BMP2K: variants seen among roughly 807,000 people sequenced by gnomAD.
BMP2K encodes the protein BMP-2-inducible protein kinase.
In BMP2K, 74 loss-of-function variants were observed where a neutral mutation model predicts 116.0. The observed-to-expected ratio is 0.64, with a 90% CI of 0.53 to 0.77. BMP2K has a LOEUF of 0.77. Ranked by LOEUF, BMP2K falls within the 30% of genes least tolerant of loss-of-function variation. The pLI is 0.00. For missense variants in BMP2K, 1,365 were observed against 1,403.6 expected (o/e 0.97, Z 0.44); for synonymous variants, 486 against 502.5 (o/e 0.97, Z 0.44).
chr4:78,834,516 C>T (rs1730369707), intron 3 of BMP2K, among the ~76,000 whole-genome samples: 1 of 152,184 alleles, frequency 6.6e-6, no homozygotes, highest in Non-Finnish European at 1.5e-5. Context: ...CCGCCTCAGC[C>T]TCCCAAAGTG....
At chr4:78,828,530 A>T (rs1482240857) in intron 2 of BMP2K, among the ~76,000 whole-genome samples, 3 of 152,162 alleles carry the variant, frequency 2.0e-5, no homozygotes, top group Non-Finnish European at 4.4e-5. Context: ...ACAATCAGAA[A>T]GGTGGGCAAC....
chr4:78,833,277 G>A (rs1560520465), intron 2 of BMP2K, among the ~76,000 whole-genome samples: 1 of 151,998 alleles, frequency 6.6e-6, no homozygotes, highest in African/African-American at 2.4e-5. Context: ...TGTAATAAAA[G>A]TTCTAATATT....
intron 7 of BMP2K, among the ~76,000 whole-genome samples, chr4:78,857,885 C>T (rs1461271817): frequency 1.3e-5 from 2 of 151,918 alleles, no homozygotes; most frequent in African/African-American, 4.8e-5. Flanking sequence ...ATATTGACAG[C>T]TAAAAAATGG....
chr4:78,811,127 CG>C (rs894221673), intron 1 of BMP2K, among the ~76,000 whole-genome samples: 9 of 152,150 alleles, frequency 5.9e-5, no homozygotes, highest in African/African-American at 2.2e-4. Flanking sequence ...GTGCCTTAAA[CG>C]TAACTCTTTT....
chr4:78,891,168 G>C (rs928806170), intron 15 of BMP2K, among the ~76,000 whole-genome samples: 2 of 152,198 alleles, frequency 1.3e-5, no homozygotes, highest in African/African-American at 2.4e-5. Context: ...AAGAGGCACT[G>C]CTTCATAGTA....
At chr4:78,819,242 C>G (rs1411595944) in intron 1 of BMP2K, among the ~76,000 whole-genome samples, 1 of 152,082 alleles carries the variant, frequency 6.6e-6, no homozygotes, top group Non-Finnish European at 1.5e-5. Flanking sequence ...CTCAGGCCAT[C>G]CACTCTCCTT....
chr4:78,865,792 A>T (rs1732021613), intron 10 of BMP2K, 72 bp downstream of exon 10: 7 of 1,461,208 alleles, frequency 4.8e-6, no homozygotes, highest in Non-Finnish European at 5.7e-6. Flanking sequence ...TGATTTCCTG[A>T]CCTCAGGTGA....
intron 15 of BMP2K, among the ~76,000 whole-genome samples, chr4:78,891,440 T>C (rs1733432237): frequency 6.6e-6 from 1 of 152,210 alleles, no homozygotes. Flanking sequence ...TTTCTTGCTG[T>C]ATATGCTTTG....
chr4:78,909,875 T>C (rs888380046), intron 15 of BMP2K, among the ~76,000 whole-genome samples: 1 of 152,228 alleles, frequency 6.6e-6, no homozygotes, highest in African/African-American at 2.4e-5. Flanking sequence ...TATATTTCTT[T>C]CGTTGAATGA....
At position 78,865,468 on chromosome 4, in the gene BMP2K, T is replaced by C. The variant is rs1731998720; in HGVS notation, c.1068-89T>C. On this transcript the variant is annotated intron_variant, in intron 9 of 15. Transcript: ENST00000502613. ...ATGCGATTATCAGTAATAGTTAAAA[T>C]GTATCTGTTGAGTTGGATGCTTTAT... The C allele has an allele frequency of 9.7e-6, 12 of 1,238,700 alleles. No homozygotes were observed. The South Asian group carries it at 1.4e-4, about 14-fold the overall frequency. The allele number at this position is 1,238,700 out of a possible 1,614,324, so 76.7% of individuals were successfully genotyped here.
intron 3 of BMP2K, among the ~76,000 whole-genome samples, chr4:78,840,552 G>T (rs1473949209): frequency 6.6e-6 from 1 of 152,060 alleles, no homozygotes; most frequent in Non-Finnish European, 1.5e-5. Flanking sequence ...GACGTTTAAA[G>T]GTGGGGTATC....
intron 7 of BMP2K, among the ~76,000 whole-genome samples, chr4:78,858,366 T>G (rs564758674): frequency 2.0e-5 from 3 of 152,058 alleles, no homozygotes; most frequent in Middle Eastern, 6.8e-3. Context: ...ATATTAGAAT[T>G]AAAATGTTTT....
At chr4:78,803,776 A>G (rs1728685381) in intron 1 of BMP2K, among the ~76,000 whole-genome samples, 1 of 152,160 alleles carries the variant, frequency 6.6e-6, no homozygotes, top group East Asian at 1.9e-4. Flanking sequence ...GTTGTTTTCT[A>G]ATCTCCTGTA....
At chr4:78,823,512 AGTTATATATATAGTTATATATATG>A (rs1553915265) in intron 1 of BMP2K, among the ~76,000 whole-genome samples, 4 of 147,716 alleles carry the variant, frequency 2.7e-5, no homozygotes, top group African/African-American at 4.9e-5. Context: ...AGTTATATAT[AGTTATATATATAGTTATATATATG>A]GTTATATATA....
intron 13 of BMP2K, among the ~76,000 whole-genome samples, chr4:78,873,658 C>CTGTGTGTGTG (rs377226626): frequency 3.6e-4 from 50 of 139,538 alleles, no homozygotes; most frequent in Non-Finnish European, 6.8e-4. Context: ...CTCCCAACCT[C>CTGTGTGTGTG]TGTGTGTGTG....
At chr4:78,881,232 C>T (rs1008697416) in intron 14 of BMP2K, among the ~76,000 whole-genome samples, 1 of 152,054 alleles carries the variant, frequency 6.6e-6, no homozygotes, top group African/African-American at 2.4e-5. Flanking sequence ...TCTGTATAAG[C>T]CTTTATGTCA....
At chr4:78,784,284 A>G (rs1727637304) in intron 1 of BMP2K, among the ~76,000 whole-genome samples, 1 of 152,236 alleles carries the variant, frequency 6.6e-6, no homozygotes, top group East Asian at 1.9e-4. Flanking sequence ...GTCTTGAACT[A>G]CCATTTCAAA....
At chr4:78,832,404 A>G (rs1036124815) in intron 2 of BMP2K, among the ~76,000 whole-genome samples, 2 of 152,148 alleles carry the variant, frequency 1.3e-5, no homozygotes, top group East Asian at 1.9e-4. Flanking sequence ...ACTAACACAC[A>G]TATTACAATC....
At chr4:78,874,023 T>G (rs1360815181) in intron 13 of BMP2K, among the ~76,000 whole-genome samples, 1 of 151,876 alleles carries the variant, frequency 6.6e-6, no homozygotes, top group Non-Finnish European at 1.5e-5. Context: ...ACTAAAAATA[T>G]AAAAATTATC....
Sources: gnomAD v4.1 joint callset for allele counts (sites outside exome capture counted in the v4.1 genomes callset) on GRCh38, gnomAD v4.1.1 for gene constraint, MANE v1.5 for transcripts, NCBI Gene and HGNC (gene_info 2026-07-23, HGNC 2026-07-21) for gene names.